AP3M2: variants seen among roughly 807,000 people sequenced by gnomAD.
AP3M2 encodes the protein adaptor related protein complex 3 subunit mu 2.
AP3M2 carries 28 observed loss-of-function variants against 41.6 expected under a neutral mutation model. That is an observed-to-expected ratio of 0.67 (90% CI 0.50 to 0.92). AP3M2 has a LOEUF of 0.92. Among genes scored for constraint, AP3M2 ranks in the 40% least tolerant of loss-of-function variants. AP3M2 has a pLI of 0.00. For missense variants in AP3M2, 427 were observed against 521.4 expected, an observed-to-expected ratio of 0.82 and a Z score of 1.76; for synonymous variants, 193 against 186.4, an observed-to-expected ratio of 1.04 and a Z score of -0.29.
chr8:42,157,239 C>T (rs1019943232), intron 2 of AP3M2, among the ~76,000 whole-genome samples: 7 of 152,192 alleles, frequency 4.6e-5, no homozygotes, highest in African/African-American at 1.7e-4. Flanking sequence ...TCTTACAGCC[C>T]TGTACCTCCA....
intron 7 of AP3M2, 102 bp downstream of exon 7, chr8:42,167,473 C>CAAAG: frequency 6.9e-7 from 1 of 1,439,364 alleles, no homozygotes; most frequent in Non-Finnish European, 9.5e-7. Context: ...TGAGATGAGT[C>CAAAG]AAAGGGACCT....
intron 3 of AP3M2, among the ~76,000 whole-genome samples, chr8:42,161,786 G>C (rs2061417136): frequency 6.6e-6 from 1 of 152,166 alleles, no homozygotes; most frequent in Non-Finnish European, 1.5e-5. Flanking sequence ...AAGACAGGGA[G>C]AGATCAACTT....
chr8:42,171,056 C>T lies in AP3M2; in HGVS notation c.*1995C>T, dbSNP rs556097699. On this transcript the variant is annotated 3_prime_UTR_variant, in exon 9 of 9. Coordinates refer to ENST00000396926, the MANE Select transcript of AP3M2 (RefSeq NM_006803.4). ...CATGGAGTGTAGCGGGCATCGCTGC[C>T]GCCATTCCTGCAGCATCACCATAAG... 2 of 152,376 alleles carry T rather than the reference C, an allele frequency of 1.3e-5. No individual in the cohort carries two copies. The highest frequency in any genetic ancestry group is 2.1e-4 in the South Asian group (1 of 4,832). 9.4% of individuals were successfully genotyped at this position (152,376 alleles called of 1,614,324 possible).
chr8:42,167,299 G>A lies in AP3M2; in HGVS notation c.939G>A (p.Gln313=), dbSNP rs537642186. ...TTGAGGGAGTGACTGTCACCAGCCA[G>A]ATGCCCAAGGGGGTCCTGAACATGA... The part of the protein sequence containing the change: ...KTIEGVTVTS[Q]MPKGVLNMSL... The change falls in exon 7 of 9, where the codon CAG becomes CAA. Residue 313 remains glutamine, a synonymous_variant. Transcript: ENST00000396926. 6.2e-7 allele frequency: 1 copy of A among 1,614,212 alleles called. No homozygotes were observed. The highest frequency in any genetic ancestry group is 8.5e-7 in the Non-Finnish European group (1 of 1,180,042).
intron 6 of AP3M2, among the ~76,000 whole-genome samples, chr8:42,166,612 T>TAAAAAAAAAAAAAAAAAAAAA (rs1404448805): frequency 2.5e-4 from 21 of 84,270 alleles, no homozygotes; most frequent in African/African-American, 1.1e-3. Flanking sequence ...AAAAAAAAAG[T>TAAAAAAAAAAAAAAAAAAAAA]AAAAATTAGC....
At chr8:42,162,095 G>A (rs12547064) in intron 3 of AP3M2, 186 bp from the exon 4 acceptor site, 188,355 of 448,604 alleles carry the variant, frequency 0.42, 40,150 homozygotes, top group Middle Eastern at 0.5. Flanking sequence ...CAGACCAGAT[G>A]GCAACAAGGG....
rs960180717 is a variant in AP3M2 at position 42,169,452 on chromosome 8, G to C, written c.*391G>C. The C allele has an allele frequency of 6.4e-6, 1 of 155,112 alleles. No homozygotes were observed. The highest frequency in any genetic ancestry group is 1.4e-5 in the Non-Finnish European group (1 of 70,176). 9.6% of individuals were successfully genotyped at this position (155,112 alleles called of 1,614,324 possible). Reference sequence around the variant, plus strand: ...AGAAAGATTAAAAAGAAAGAAAGATGGGAAGAAAATGAATGTCAGTCAAGG... The same window carrying C: ...AGAAAGATTAAAAAGAAAGAAAGATCGGAAGAAAATGAATGTCAGTCAAGG... On this transcript the variant is annotated 3_prime_UTR_variant, in exon 9 of 9. Coordinates refer to ENST00000396926, the MANE Select transcript of AP3M2 (RefSeq NM_006803.4).
chr8:42,163,833 G>T (rs1804571717), intron 4 of AP3M2, among the ~76,000 whole-genome samples: 1 of 152,074 alleles, frequency 6.6e-6, no homozygotes, highest in Admixed American at 6.6e-5. Flanking sequence ...AAAATTCATT[G>T]AGCTGTACAC....
rs759281307 is a variant in AP3M2 at position 42,165,044 on chromosome 8, G to A, written c.584-27G>A. 14 of 1,597,702 alleles carry A rather than the reference G, an allele frequency of 8.8e-6. No individual in the cohort carries two copies. In the South Asian group the frequency reaches 1.6e-4, roughly 18 times the overall value. Reference sequence around the variant, plus strand: ...GACAGAGAAGTATTCAGTAATCTGTGTTCTTTTTGTCTTATTCCTGTCTCA... The same window carrying A: ...GACAGAGAAGTATTCAGTAATCTGTATTCTTTTTGTCTTATTCCTGTCTCA... On this transcript the variant is annotated intron_variant, in intron 4 of 8. Coordinates refer to ENST00000396926, the MANE Select transcript of AP3M2 (RefSeq NM_006803.4).
Position 42,167,232 on chromosome 8 carries a change from T to C in AP3M2, c.872T>C (p.Phe291Ser). The change falls in exon 7 of 9, where the codon TTT becomes TCT. Residue 291 changes from phenylalanine to serine, a missense_variant. By Grantham distance (155) the Phe-to-Ser change is radical. Coordinates refer to ENST00000396926, the MANE Select transcript of AP3M2 (RefSeq NM_006803.4). ...CGGGACAGTAGTTCCCTTGGACGCTTTGAAATAACGGTGGGACCCAAGCAG... is the reference window on the plus strand; with the variant it reads ...CGGGACAGTAGTTCCCTTGGACGCTCTGAAATAACGGTGGGACCCAAGCAG... ...SFRDSSSLGR[F>S]EITVGPKQTM... is the part of the protein sequence containing the mutation. The C allele has an allele frequency of 6.2e-7, 1 of 1,614,088 alleles. No homozygotes were observed. Among genetic ancestry groups the C allele is most frequent in the Admixed American group, 1.7e-5 (1 of 60,010 alleles).
rs781297965 is a variant in AP3M2 at position 42,165,391 on chromosome 8, G to A, written c.670-36G>A. On this transcript the variant is annotated intron_variant, in intron 5 of 8. Transcript: ENST00000396926. ...CCTGAAAGCACTGCGGGTGTTTAAT[G>A]CCCACTTCTTGCTTCTCCTCTCCTG... The A allele has an allele frequency of 1.9e-5, 31 of 1,608,682 alleles. No homozygotes were observed. The South Asian group carries it at 2.7e-4, about 14-fold the overall frequency.
intron 1 of AP3M2, 162 bp downstream of exon 1, chr8:42,153,267 C>G (rs1804256533): frequency 1.3e-5 from 2 of 152,156 alleles, no homozygotes; most frequent in African/African-American, 4.8e-5. Context: ...GGCGTCCTTC[C>G]CGGCGCCGCG....
chr8:42,163,965 G>T (rs142030713), intron 4 of AP3M2, among the ~76,000 whole-genome samples: 118 of 152,296 alleles, frequency 7.7e-4, no homozygotes, highest in African/African-American at 2.8e-3. Flanking sequence ...AGAGTTTTAA[G>T]TTGGGAATGA....
intron 4 of AP3M2, 54 bp from the exon 5 acceptor site, chr8:42,165,017 A>C: frequency 6.7e-7 from 1 of 1,491,260 alleles, no homozygotes; most frequent in Non-Finnish European, 9.2e-7. Flanking sequence ...TTTGTTGAGA[A>C]GGACAGAGAA....
intron 7 of AP3M2, 29 bp from the exon 8 acceptor site, chr8:42,167,637 C>T: frequency 6.3e-7 from 1 of 1,593,622 alleles, no homozygotes; most frequent in Non-Finnish European, 8.5e-7. Context: ...TTTGGAAAGA[C>T]CACTTCTCCA....
rs1804314676 is a variant in AP3M2 at position 42,154,873 on chromosome 8, C to T, written c.186C>T (p.His62=). 1 of 1,614,046 alleles carries T rather than the reference C, an allele frequency of 6.2e-7. No individual in the cohort carries two copies. Among genetic ancestry groups the T allele is most frequent in the African/African-American group, 1.3e-5 (1 of 74,910 alleles). Residue 62 remains histidine, a synonymous_variant, in exon 2 of 9, where the codon CAC becomes CAT. Coordinates refer to ENST00000396926, the MANE Select transcript of AP3M2 (RefSeq NM_006803.4). ...ACTATCTCTTAAGTGTTTACCGCCA[C>T]AAGATCTTTTTTGTGGCCGTGATCC... ...PHHYLLSVYR[H]KIFFVAVIQT... is the part of the protein sequence containing the mutation.
rs1804602985 is a variant in AP3M2, at chr8:42,165,066, C to G, written c.584-5C>G. The G allele has an allele frequency of 6.2e-7, 1 of 1,612,740 alleles. No individual in the cohort carries two copies. Among genetic ancestry groups the G allele is most frequent in the African/African-American group, 1.3e-5 (1 of 74,814 alleles). ...TGTGTTCTTTTTGTCTTATTCCTGT[C>G]TCAGGCTCCACAATTACTGCTGAGA... On this transcript the variant is annotated splice_region_variant and splice_polypyrimidine_tract_variant and intron_variant, in intron 4 of 8. Coordinates refer to ENST00000396926, the MANE Select transcript of AP3M2 (RefSeq NM_006803.4).
At chr8:42,155,886 C>A in intron 2 of AP3M2, 1 of 424,536 alleles carries the variant, frequency 2.4e-6, no homozygotes, top group Non-Finnish European at 4.7e-6. Context: ...AGAGTTCCTT[C>A]TCTTGTACTC....
rs1804302419 is a variant in AP3M2, at chr8:42,154,552, T to C, written c.-72-64T>C. 8 of 1,315,430 alleles carry C rather than the reference T, an allele frequency of 6.1e-6. No homozygotes were observed. The South Asian group carries it at 7.4e-5, about 12-fold the overall frequency. The allele number at this position is 1,315,430 out of a possible 1,614,324, so 81.5% of individuals were successfully genotyped here. ...TGAAAGATGGGTAAGTCTTGGACTGTTGGGAAAAGATGGGGAGGGCCTTTT... is the reference window on the plus strand; with the variant it reads ...TGAAAGATGGGTAAGTCTTGGACTGCTGGGAAAAGATGGGGAGGGCCTTTT... On this transcript the variant is annotated intron_variant, in intron 1 of 8. Transcript: ENST00000396926.
Sources: allele counts gnomAD v4.1 joint callset (sites outside exome capture counted in the v4.1 genomes callset), GRCh38; gene constraint gnomAD v4.1.1; transcripts MANE v1.5; gene names NCBI Gene and HGNC (gene_info 2026-07-23, HGNC 2026-07-21).